The following KAT14 variants were observed in gnomAD, a reference collection of about 807,000 sequenced individuals.
KAT14 encodes lysine acetyltransferase 14, also known as cysteine-rich protein 2-binding protein.
KAT14 carries 66 observed loss-of-function variants against 78.4 expected under a neutral mutation model. That is an observed-to-expected ratio of 0.84 (90% CI 0.69 to 1.03). The LOEUF (loss-of-function observed/expected upper bound fraction) is 1.03. Among genes scored for constraint, KAT14 ranks in the 50% least tolerant of loss-of-function variants. KAT14 has a pLI of 0.00. For synonymous variants in KAT14, 344 were observed against 359.4 expected (o/e 0.96, Z 0.48); for missense variants, 870 against 972.5 (o/e 0.89, Z 1.40).
In KAT14 at chr20:18,165,655, G is replaced by A. The variant is rs564923100; in HGVS notation, c.1668+2710G>A. Among the ~76,000 whole-genome samples, 4 of 152,262 alleles carry A rather than the reference G, an allele frequency of 2.6e-5. No individual in the cohort carries two copies. In the East Asian group the frequency reaches 7.7e-4, roughly 29 times the overall value. ...AAACTAATACTTACAGTGATGTTCT[G>A]GCTTCGGCTTCCATGAACCCCTTCT... On this transcript the variant is annotated intron_variant, in intron 7 of 10. Coordinates refer to ENST00000688188, the MANE Select transcript of KAT14 (RefSeq NM_001392073.1).
Position 18,186,410 on chromosome 20 carries a change from C to T in KAT14, c.2173-876C>T, listed in dbSNP as rs921682534. ...TGTCCCTGGCATACTGGTAAGTGCT[C>T]TCTTGTCCTAAAAATGCCTATGGAT... is the stretch of plus-strand genomic sequence containing the variant. On this transcript the variant is annotated intron_variant, in intron 10 of 10. Transcript: ENST00000688188. 2.2e-4 allele frequency among the ~76,000 whole-genome samples: 33 copies of T among 152,160 alleles called. 1 individual carries two copies.
At chr20:18,145,211 T>C in intron 2 of KAT14, 22 bp from the exon 3 acceptor site, 2 of 1,612,844 alleles carry the variant, frequency 1.2e-6, no homozygotes, top group Non-Finnish European at 1.7e-6. Context: ...ACCCATGATG[T>C]GACTTTTTGT....
At chr20:18,176,602 A>C (rs2039060431) in intron 7 of KAT14, among the ~76,000 whole-genome samples, 1 of 151,464 alleles carries the variant, frequency 6.6e-6, no homozygotes, top group African/African-American at 2.4e-5. Flanking sequence ...CAGGGTGATG[A>C]AGGGTCAGTG....
chr20:18,159,117 A>G lies in KAT14; in HGVS notation c.534A>G (p.Ala178=). The G allele has an allele frequency of 6.2e-7, 1 of 1,611,654 alleles. No homozygotes were observed. The highest frequency in any genetic ancestry group is 2.2e-5 in the East Asian group (1 of 44,850). Reference sequence around the variant, plus strand: ...CGTCTACCTGGTGGAGCACCGTGGCAGGTTGCCTCAGCGTGGGAAGTCCCA... The same window carrying G: ...CGTCTACCTGGTGGAGCACCGTGGCGGGTTGCCTCAGCGTGGGAAGTCCCA... ...KKTSTWWSTV[A]GCLSVGSPMY... Residue 178 remains alanine (A), a synonymous_variant, in exon 5 of 11, where the codon GCA becomes GCG. Transcript: ENST00000688188.
chr20:18,142,726 G>T lies in KAT14; in HGVS notation c.66G>T (p.Ser22=), dbSNP rs1269858879. The change falls in exon 2 of 11, where the codon TCG becomes TCT. Residue 22 remains serine (S), a synonymous_variant. Coordinates refer to ENST00000688188, the MANE Select transcript of KAT14 (RefSeq NM_001392073.1). ...SRHDDEATRT[S]TSEGLEEGEV... Reference sequence around the variant, plus strand: ...ATGATGACGAAGCCACGAGAACATCGACCTCAGAAGGACTGGAGGAAGGTG... The same window carrying T: ...ATGATGACGAAGCCACGAGAACATCTACCTCAGAAGGACTGGAGGAAGGTG... 6.2e-7 allele frequency: 1 copy of T among 1,614,152 alleles called. No individual in the cohort carries two copies. The highest frequency in any genetic ancestry group is 2.2e-5 in the East Asian group (1 of 44,886).
chr20:18,187,246 CT>C, intron 10 of KAT14, 39 bp from the exon 11 acceptor site: 1 of 1,561,892 alleles, frequency 6.4e-7, no homozygotes, highest in African/African-American at 1.4e-5. Context: ...TCCCTCAGGC[CT>C]TTCCATTTTT....
intron 7 of KAT14, 80 bp downstream of exon 7, chr20:18,163,025 TA>T: frequency 6.7e-7 from 1 of 1,488,958 alleles, no homozygotes; most frequent in Non-Finnish European, 9.0e-7. Flanking sequence ...TGGACATGGT[TA>T]TGCTGTGACC....
chr20:18,148,631 T>C (rs1166012417), intron 3 of KAT14, among the ~76,000 whole-genome samples: 1 of 150,660 alleles, frequency 6.6e-6, no homozygotes, highest in Non-Finnish European at 1.5e-5. Flanking sequence ...TTTTTTGAGA[T>C]GGAGTTTCAC....
At chr20:18,184,328 A>G (rs1200816725) in intron 9 of KAT14, among the ~76,000 whole-genome samples, 2 of 152,168 alleles carry the variant, frequency 1.3e-5, no homozygotes, top group African/African-American at 2.4e-5. Context: ...GGCTGAGTTC[A>G]AAGCCAGCTG....
chr20:18,176,308 A>AAG (rs2039047553), intron 7 of KAT14, among the ~76,000 whole-genome samples: 1 of 151,472 alleles, frequency 6.6e-6, no homozygotes, highest in Non-Finnish European at 1.5e-5. Flanking sequence ...CTCAAAAAAA[A>AAG]AAAAAAAAAA....
At chr20:18,184,488 T>TTTTG in intron 9 of KAT14, 114 bp from the exon 10 acceptor site, 1 of 732,300 alleles carries the variant, frequency 1.4e-6, no homozygotes, top group Non-Finnish European at 1.9e-6. Context: ...TTTTGGTGTT[T>TTTTG]TTTTTTTTTT....
upstream of KAT14, among the ~76,000 whole-genome samples, chr20:18,137,226 T>C (rs563659378): frequency 2.0e-5 from 3 of 151,996 alleles, no homozygotes; most frequent in East Asian, 3.9e-4. Flanking sequence ...TCCGGTAAGG[T>C]TGCAGTGAGC....
intron 3 of KAT14, among the ~76,000 whole-genome samples, chr20:18,150,119 G>C (rs1174166791): frequency 6.6e-6 from 1 of 152,156 alleles, no homozygotes; most frequent in Non-Finnish European, 1.5e-5. Context: ...AATAAGAGTA[G>C]ATTAGATTAG....
At chr20:18,181,514 G>A (rs985962312) in intron 7 of KAT14, among the ~76,000 whole-genome samples, 196 bp from the exon 8 acceptor site, 4 of 151,852 alleles carry the variant, frequency 2.6e-5, no homozygotes, top group East Asian at 1.9e-4. Context: ...GACTACAGGC[G>A]CACCTGCCAC....
In KAT14 at chr20:18,142,550, A is replaced by G. The variant is rs1421050133; in HGVS notation, c.-111A>G. 6.6e-6 allele frequency: 10 copies of G among 1,516,026 alleles called. No homozygotes were observed. In the African/African-American group the frequency reaches 8.3e-5, roughly 13 times the overall value. 93.9% of individuals were successfully genotyped at this position (1,516,026 alleles called of 1,614,324 possible). A position where few individuals can be genotyped will look rare whatever the true frequency, so the allele number is the denominator to read the frequency against. ...TCTGAATAAAGGAGTGTGGGCAGAC[A>G]CTTTTTGGAAGAGTCTGTCTGGGTG... On this transcript the variant is annotated 5_prime_UTR_variant, in exon 2 of 11. Coordinates refer to ENST00000688188, the MANE Select transcript of KAT14 (RefSeq NM_001392073.1).
At chr20:18,176,875 A>G (rs910835745) in intron 7 of KAT14, among the ~76,000 whole-genome samples, 1 of 152,138 alleles carries the variant, frequency 6.6e-6, no homozygotes, top group African/African-American at 2.4e-5. Flanking sequence ...AGTGGATAGT[A>G]TGGGTGTAAG....
At position 18,181,765 on chromosome 20, in the gene KAT14, G is replaced by T. The variant is rs535177493; in HGVS notation, c.1724G>T (p.Arg575Leu). The part of the protein sequence containing the change: ...FRHQTTKFLY[R>L]LVGSEDMAVD... Reference sequence around the variant, plus strand: ...CACCAGACCACCAAGTTTTTGTATCGCTTGGTAGGATCAGAAGATATGGCT... The same window carrying T: ...CACCAGACCACCAAGTTTTTGTATCTCTTGGTAGGATCAGAAGATATGGCT... The change falls in exon 8 of 11, where the codon CGC becomes CTC. Residue 575 changes from arginine to leucine, a missense_variant. Transcript: ENST00000688188. 6.2e-7 allele frequency: 1 copy of T among 1,614,160 alleles called. No homozygotes were observed.
intron 7 of KAT14, among the ~76,000 whole-genome samples, chr20:18,172,870 G>C (rs74517229): frequency 0.051 from 7,818 of 152,250 alleles, 246 homozygotes; most frequent in Middle Eastern, 0.092. Flanking sequence ...AATGGGGGAG[G>C]TGTGGGCAGG....
At chr20:18,138,341 G>T (rs919916439) in intron 1 of KAT14, 10 of 1,110,424 alleles carry the variant, frequency 9.0e-6, no homozygotes, top group Non-Finnish European at 1.1e-5. Flanking sequence ...CACAGGCACG[G>T]CACGCAAGCT....
Sources: allele counts gnomAD v4.1 joint callset (sites outside exome capture counted in the v4.1 genomes callset), GRCh38; gene constraint gnomAD v4.1.1; transcripts MANE v1.5; gene names NCBI Gene and HGNC (gene_info 2026-07-23, HGNC 2026-07-21).